MIS18A: variants seen among roughly 807,000 people sequenced by gnomAD.
MIS18A encodes protein Mis18-alpha.
In MIS18A, 14 loss-of-function variants were observed where a neutral mutation model predicts 25.0. That is an observed-to-expected ratio of 0.56 (90% CI 0.37 to 0.88). MIS18A has a LOEUF of 0.88. Ranked by LOEUF, MIS18A falls within the 40% of genes least tolerant of loss-of-function variation. The pLI, the probability that MIS18A is intolerant of heterozygous loss-of-function variation, is 0.00. For missense variants in MIS18A, 292 were observed against 290.8 expected (o/e 1.00, Z -0.03); for synonymous variants, 134 against 118.6 (o/e 1.13, Z -0.84).
At chr21:32,232,681 T>C in the MIS18A span, among the ~76,000 whole-genome samples, 4 of 152,014 alleles carry the variant, frequency 2.6e-5, no homozygotes, top group South Asian at 6.2e-4. Context: ...CTCACTTATA[T>C]GAAGAAATTT....
At chr21:32,252,939 G>C in the MIS18A span, among the ~76,000 whole-genome samples, 1 of 152,176 alleles carries the variant, frequency 6.6e-6, no homozygotes, top group African/African-American at 2.4e-5. Context: ...TCGTCCATTT[G>C]GTGAGTGCAC....
the MIS18A span, among the ~76,000 whole-genome samples, chr21:32,222,945 A>G: frequency 6.6e-6 from 1 of 150,672 alleles, no homozygotes; most frequent in African/African-American, 2.4e-5. Context: ...AAAAAAAAAA[A>G]AAAAAAAAAG....
the MIS18A span, among the ~76,000 whole-genome samples, chr21:32,218,760 A>G: frequency 6.6e-6 from 1 of 152,214 alleles, no homozygotes; most frequent in Non-Finnish European, 1.5e-5. Context: ...AGAACAAAAA[A>G]AGATATAAGA....
At chr21:32,203,512 G>C in the MIS18A span, among the ~76,000 whole-genome samples, 2 of 134,360 alleles carry the variant, frequency 1.5e-5, no homozygotes, top group African/African-American at 5.6e-5. Flanking sequence ...AAAAAAAAAG[G>C]TAGTGTTACT....
At chr21:32,240,766 G>A in the MIS18A span, among the ~76,000 whole-genome samples, 1 of 50,812 alleles carries the variant, frequency 2.0e-5, no homozygotes, top group Non-Finnish European at 3.7e-5. Context: ...ACGCCCAAAA[G>A]ATGTGGTTTT....
the MIS18A span, among the ~76,000 whole-genome samples, chr21:32,231,434 A>T: frequency 6.6e-6 from 1 of 152,162 alleles, no homozygotes; most frequent in East Asian, 1.9e-4. Flanking sequence ...ACACACATGA[A>T]AAGATACCCA....
the MIS18A span, among the ~76,000 whole-genome samples, chr21:32,201,245 C>G: frequency 6.6e-6 from 1 of 151,960 alleles, no homozygotes; most frequent in Non-Finnish European, 1.5e-5. Context: ...GCCCCTATGA[C>G]CAAAACACTT....
chr21:32,204,599 T>C, the MIS18A span, among the ~76,000 whole-genome samples: 2 of 152,068 alleles, frequency 1.3e-5, no homozygotes, highest in African/African-American at 2.4e-5. Flanking sequence ...CTACACTGAA[T>C]GTTGCAACTT....
At chr21:32,193,615 T>C in the MIS18A span, among the ~76,000 whole-genome samples, 3 of 152,092 alleles carry the variant, frequency 2.0e-5, no homozygotes, top group African/African-American at 7.2e-5. Context: ...AAACTAATGG[T>C]TTCTGTTTCA....
chr21:32,252,915 C>G, the MIS18A span, among the ~76,000 whole-genome samples: 4 of 152,228 alleles, frequency 2.6e-5, no homozygotes, highest in African/African-American at 9.6e-5. Flanking sequence ...ACTTCGGGGT[C>G]TGATGCTACT....
At chr21:32,178,090 G>T in the MIS18A span, among the ~76,000 whole-genome samples, 1 of 151,870 alleles carries the variant, frequency 6.6e-6, no homozygotes, top group Non-Finnish European at 1.5e-5. Flanking sequence ...GGCTAATTTT[G>T]TTTATTTTTT....
At chr21:32,276,828 C>T (rs2031820575) in intron 1 of MIS18A, among the ~76,000 whole-genome samples, 1 of 152,038 alleles carries the variant, frequency 6.6e-6, no homozygotes, top group African/African-American at 2.4e-5. Context: ...ACTTGGGAAG[C>T]TGAGCCGGGA....
At chr21:32,248,895 C>CT in the MIS18A span, among the ~76,000 whole-genome samples, 7 of 152,236 alleles carry the variant, frequency 4.6e-5, no homozygotes, top group East Asian at 5.8e-4. Context: ...GTAAACTTGC[C>CT]TTTTTTTCAA....
At chr21:32,253,959 C>T in the MIS18A span, among the ~76,000 whole-genome samples, 1 of 152,138 alleles carries the variant, frequency 6.6e-6, no homozygotes, top group Non-Finnish European at 1.5e-5. Context: ...AAATTGCTGG[C>T]TGGGCGGTGG....
the MIS18A span, among the ~76,000 whole-genome samples, chr21:32,251,507 C>T: frequency 1.3e-5 from 2 of 152,258 alleles, no homozygotes; most frequent in South Asian, 4.2e-4. Context: ...GTATCCCTCC[C>T]CCACCACCCA....
downstream of MIS18A, among the ~76,000 whole-genome samples, chr21:32,265,630 C>A (rs1341018236): frequency 6.6e-6 from 1 of 152,250 alleles, no homozygotes; most frequent in African/African-American, 2.4e-5. Flanking sequence ...CCATGGGCTC[C>A]TGTGTGGCCC....
At chr21:32,198,968 G>C in the MIS18A span, among the ~76,000 whole-genome samples, 1 of 151,970 alleles carries the variant, frequency 6.6e-6, no homozygotes, top group African/African-American at 2.4e-5. Context: ...CAGAGGCACT[G>C]AGTCAGAACG....
At chr21:32,172,425 T>G in the MIS18A span, among the ~76,000 whole-genome samples, 337 of 152,190 alleles carry the variant, frequency 2.2e-3, 3 homozygotes, top group African/African-American at 7.7e-3. Flanking sequence ...ATAAAGAAAC[T>G]GTGAATAATA....
the MIS18A span, among the ~76,000 whole-genome samples, chr21:32,210,820 CT>C: frequency 6.6e-6 from 1 of 152,162 alleles, no homozygotes; most frequent in Non-Finnish European, 1.5e-5. Context: ...AATCTGCTGC[CT>C]TTTTATCACA....
Sources: gnomAD v4.1 joint callset for allele counts (sites outside exome capture counted in the v4.1 genomes callset) on GRCh38, gnomAD v4.1.1 for gene constraint, MANE v1.5 for transcripts, NCBI Gene and HGNC (gene_info 2026-07-23, HGNC 2026-07-21) for gene names.